The following FSIP2 variants were observed in gnomAD, a reference collection of about 807,000 sequenced individuals.
FSIP2 encodes the protein fibrous sheath-interacting protein 2.
A neutral mutation model predicts 510.5 loss-of-function variants in FSIP2; 367 were observed. The ratio of observed to expected loss-of-function variants is 0.72; its 90% CI spans 0.66 to 0.78. FSIP2 has a LOEUF of 0.78. Ranked by LOEUF, FSIP2 falls within the 30% of genes least tolerant of loss-of-function variation. FSIP2 has a pLI of 0.00. For synonymous variants in FSIP2, 2,601 were observed against 2,732.2 expected, an observed-to-expected ratio of 0.95 and a Z score of 1.50; for missense variants, 7,594 against 7,901.7, an observed-to-expected ratio of 0.96 and a Z score of 1.48.
At chr2:185,784,961 GAAGCTTT>G (rs1692933244) in intron 14 of FSIP2, among the ~76,000 whole-genome samples, 1 of 152,042 alleles carries the variant, frequency 6.6e-6, no homozygotes, top group African/African-American at 2.4e-5. Context: ...AGTCATCAAT[GAAGCTTT>G]TTCAGTTTCC....
At chr2:185,762,256 CTGTT>C (rs1692367695) in intron 11 of FSIP2, among the ~76,000 whole-genome samples, 1 of 151,178 alleles carries the variant, frequency 6.6e-6, no homozygotes, top group Admixed American at 6.6e-5. Context: ...CTTGCTGTAG[CTGTT>C]TGTAGTTACA....
chr2:185,792,897 G>T lies in FSIP2; in HGVS notation c.5761G>T (p.Val1921Leu). ...ETKVNLAEDI[V>L]QAILTNLETF... ...AAAGGTAAATCTAGCTGAAGATATT[G>T]TACAGGCAATATTAACAAATTTAGA... The change falls in exon 16 of 23, where the codon GTA (valine) becomes TTA (leucine). Residue 1921 changes from valine (V) to leucine (L), a missense_variant. Coordinates refer to ENST00000424728, the MANE Select transcript of FSIP2 (RefSeq NM_173651.4). The T allele has an allele frequency of 6.5e-7, 1 of 1,534,150 alleles. No homozygotes were observed. Among genetic ancestry groups the T allele is most frequent in the Non-Finnish European group, 8.7e-7 (1 of 1,145,594 alleles).
At chr2:185,772,534 A>G (rs1391063316) in intron 13 of FSIP2, among the ~76,000 whole-genome samples, 2 of 152,118 alleles carry the variant, frequency 1.3e-5, no homozygotes, top group Non-Finnish European at 2.9e-5. Context: ...GTGGGTGTCA[A>G]ACTCTTTTAA....
Position 185,790,449 on chromosome 2 carries a change from G to C in FSIP2, c.3313G>C (p.Ala1105Pro), listed in dbSNP as rs1216086495. The C allele has an allele frequency of 2.6e-6, 4 of 1,533,472 alleles. No homozygotes were observed. Among genetic ancestry groups the C allele is most frequent in the Non-Finnish European group, 8.7e-7 (1 of 1,145,428 alleles). The allele number at this position is 1,533,472 out of a possible 1,614,324, so 95.0% of individuals were successfully genotyped here. Reference protein sequence around the residue: ...SQDQKHQIEKASENIVTSILK... With the variant: ...SQDQKHQIEKPSENIVTSILK... ...AGATCAAAAGCATCAAATAGAAAAG[G>C]CTTCAGAAAACATAGTCACAAGTAT... Residue 1105 changes from alanine to proline, a missense_variant, in exon 16 of 23, where the codon GCT becomes CCT. By Grantham distance (27) the Ala-to-Pro change is conservative (BLOSUM62 -1). Coordinates refer to ENST00000424728, the MANE Select transcript of FSIP2 (RefSeq NM_173651.4).
intron 13 of FSIP2, among the ~76,000 whole-genome samples, chr2:185,782,077 C>T (rs1013067253): frequency 6.6e-6 from 1 of 152,156 alleles, no homozygotes; most frequent in African/African-American, 2.4e-5. Flanking sequence ...ACCTCATGAT[C>T]CGCCCTCCTG....
Position 185,813,747 on chromosome 2 carries a change from A to G in FSIP2, c.20030A>G (p.Glu6677Gly), listed in dbSNP as rs1693781530. 1 of 1,612,780 alleles carries G rather than the reference A, an allele frequency of 6.2e-7. No homozygotes were observed. The highest frequency in any genetic ancestry group is 1.3e-5 in the African/African-American group (1 of 74,942). Reference sequence around the variant, plus strand: ...GTTTTAACACAGACTTTTGCAAAAGAAGAAGGCATCAAAGTATTTGAAGAT... The same window carrying G: ...GTTTTAACACAGACTTTTGCAAAAGGAGAAGGCATCAAAGTATTTGAAGAT... Reference protein sequence around the residue: ...EVVLTQTFAKEEGIKVFEDQV... With the variant: ...EVVLTQTFAKGEGIKVFEDQV... Residue 6677 changes from glutamate to glycine, a missense_variant, in exon 18 of 23, where the codon GAA becomes GGA. Transcript: ENST00000424728.
chr2:185,767,899 T>A (rs907016808), intron 13 of FSIP2, among the ~76,000 whole-genome samples: 1 of 152,178 alleles, frequency 6.6e-6, no homozygotes, highest in South Asian at 2.1e-4. Flanking sequence ...TACCCAGAAG[T>A]TGAATTGCTA....
intron 21 of FSIP2, among the ~76,000 whole-genome samples, chr2:185,830,992 T>C (rs2105692318): frequency 6.6e-6 from 1 of 152,080 alleles, no homozygotes; most frequent in African/African-American, 2.4e-5. Context: ...TATTCCTCAG[T>C]TATCTTGTTT....
At position 185,788,965 on chromosome 2, in the gene FSIP2, T is replaced by C. The variant is rs1330590773; in HGVS notation, c.1829T>C (p.Val610Ala). ...CCTCCTGCACATGTGGAAAAAACAG[T>C]TGTGGGGAAAACATGTCACATAAAA... ...KPPPAHVEKT[V>A]VGKTCHIKGQ... The change falls in exon 16 of 23, where the codon GTT becomes GCT. Residue 610 changes from valine to alanine, a missense_variant. Val to Ala is a moderately conservative substitution (Grantham distance 64). Coordinates refer to ENST00000424728, the MANE Select transcript of FSIP2 (RefSeq NM_173651.4). 42 of 1,534,530 alleles carry C rather than the reference T, an allele frequency of 2.7e-5. No individual in the cohort carries two copies. The highest frequency in any genetic ancestry group is 3.5e-5 in the Non-Finnish European group (40 of 1,145,816).
Position 185,743,134 on chromosome 2 carries a change from T to A in FSIP2, c.227T>A (p.Leu76His), listed in dbSNP as rs2105528004. The stretch of plus-strand genomic sequence containing the variant: ...ATATTTTTGAATCTGTGTTTGCAGC[T>A]TTTTCGACCTTCTTATGGTTTTAAC... ...VFYTTNFGEK[L>H]FRPSYGFNLT... is the part of the protein sequence containing the mutation. The change falls in exon 3 of 23, where the codon CTT becomes CAT. Residue 76 changes from leucine (L) to histidine (H), a missense_variant and splice_region_variant. By Grantham distance (99) the Leu-to-His change is moderately conservative (BLOSUM62 -3). Transcript: ENST00000424728. 6.8e-7 allele frequency: 1 copy of A among 1,465,014 alleles called. No individual in the cohort carries two copies. Among genetic ancestry groups the A allele is most frequent in the South Asian group, 1.4e-5 (1 of 72,276 alleles). The allele number at this position is 1,465,014 out of a possible 1,614,324, so 90.8% of individuals were successfully genotyped here.
At chr2:185,828,649 T>A (rs1694055877) in intron 21 of FSIP2, among the ~76,000 whole-genome samples, 1 of 151,844 alleles carries the variant, frequency 6.6e-6, no homozygotes, top group Admixed American at 6.6e-5. Flanking sequence ...AATTCTGTTT[T>A]TCTGTATTCC....
intron 17 of FSIP2, among the ~76,000 whole-genome samples, chr2:185,810,950 A>C (rs2105661926): frequency 6.6e-6 from 1 of 152,072 alleles, no homozygotes; most frequent in African/African-American, 2.4e-5. Context: ...CTTACCAAAA[A>C]CTTGGCTGCA....
At chr2:185,739,256 G>C in intron 1 of FSIP2, 90 bp from the exon 2 acceptor site, 1 of 1,331,352 alleles carries the variant, frequency 7.5e-7, no homozygotes, top group South Asian at 1.5e-5. Context: ...TAATTCTTCG[G>C]AGTCTTTGGT....
intron 6 of FSIP2, 27 bp from the exon 7 acceptor site, chr2:185,747,286 C>T: frequency 8.0e-7 from 1 of 1,252,812 alleles, no homozygotes. Flanking sequence ...GCACACACAC[C>T]AAGTGCAGTA....
intron 9 of FSIP2, among the ~76,000 whole-genome samples, chr2:185,758,796 C>T (rs1478755712): frequency 6.6e-6 from 1 of 151,194 alleles, no homozygotes; most frequent in Non-Finnish European, 1.5e-5. Context: ...TATTTCTAAA[C>T]ATTCTCTTCC....
At position 185,804,744 on chromosome 2, in the gene FSIP2, G is replaced by A. The variant is rs764108001; in HGVS notation, c.15438G>A (p.Pro5146=). ...AACTAAAAGAGAAAAAGTTTCCACC[G>A]GATGATGAATTTGTGGAGGCAGCTT... ...ENELKEKKFP[P]DDEFVEAASK... The change falls in exon 17 of 23, where the codon CCG becomes CCA. Residue 5146 remains proline, a synonymous_variant. Coordinates refer to ENST00000424728, the MANE Select transcript of FSIP2 (RefSeq NM_173651.4). 270 of 1,530,564 alleles carry A rather than the reference G, an allele frequency of 1.8e-4. No homozygotes were observed. The highest frequency in any genetic ancestry group is 2.9e-4 in the South Asian group (24 of 83,232). The allele number at this position is 1,530,564 out of a possible 1,614,324, so 94.8% of individuals were successfully genotyped here.
intron 13 of FSIP2, among the ~76,000 whole-genome samples, chr2:185,782,256 T>C (rs1692867957): frequency 6.6e-6 from 1 of 150,818 alleles, no homozygotes; most frequent in African/African-American, 2.4e-5. Flanking sequence ...AATATAGACA[T>C]GTTTAGAGTG....
chr2:185,788,020 T>C (rs1375708513), intron 15 of FSIP2: 1 of 151,712 alleles, frequency 6.6e-6, no homozygotes, highest in East Asian at 1.9e-4. Flanking sequence ...AGCCCGTCAA[T>C]CTATATAAAG....
rs761595822 is a variant in FSIP2, at chr2:185,802,387, G to C, written c.13081G>C (p.Ala4361Pro). 22 of 1,531,864 alleles carry C rather than the reference G, an allele frequency of 1.4e-5. 1 individual carries two copies. In the South Asian group the frequency reaches 1.6e-4, roughly 11 times the overall value. The allele number at this position is 1,531,864 out of a possible 1,614,324, so 94.9% of individuals were successfully genotyped here. ...IHILYDDKEQ[A>P]FFSFNTDIVD... ...CATTCTCTATGATGACAAAGAACAG[G>C]CTTTCTTTTCTTTCAATACAGATAT... Residue 4361 changes from alanine (A) to proline (P), a missense_variant, in exon 17 of 23, where the codon GCT (alanine) becomes CCT (proline). Coordinates refer to ENST00000424728, the MANE Select transcript of FSIP2 (RefSeq NM_173651.4).
Sources: gnomAD v4.1 joint callset for allele counts (sites outside exome capture counted in the v4.1 genomes callset) on GRCh38, gnomAD v4.1.1 for gene constraint, MANE v1.5 for transcripts, NCBI Gene and HGNC (gene_info 2026-07-23, HGNC 2026-07-21) for gene names.